FYN: variants seen among roughly 807,000 people sequenced by gnomAD.
The protein encoded by FYN is tyrosine-protein kinase Fyn.
A neutral mutation model predicts 70.2 loss-of-function variants in FYN; 10 were observed. The observed-to-expected ratio is 0.14, with a 90% CI of 0.09 to 0.24. The LOEUF is 0.24. Ranked by LOEUF, FYN falls within the 10% of genes least tolerant of loss-of-function variation. The pLI, the probability that FYN is intolerant of heterozygous loss-of-function variation, is 1.00. For missense variants in FYN, 319 were observed against 673.1 expected, an observed-to-expected ratio of 0.47 and a Z score of 5.82; for synonymous variants, 236 against 248.6, an observed-to-expected ratio of 0.95 and a Z score of 0.48.
chr6:111,737,051 G>A (rs867383032), intron 3 of FYN, among the ~76,000 whole-genome samples: 2 of 152,072 alleles, frequency 1.3e-5, no homozygotes, highest in African/African-American at 2.4e-5. Flanking sequence ...ATCCATTCTT[G>A]TCACTATTTG....
At chr6:111,670,585 C>T (rs1054603905) in intron 13 of FYN, among the ~76,000 whole-genome samples, 2 of 150,912 alleles carry the variant, frequency 1.3e-5, no homozygotes, top group Non-Finnish European at 2.9e-5. Context: ...AGTAGGTGCA[C>T]AATAAATATT....
intron 2 of FYN, among the ~76,000 whole-genome samples, chr6:111,845,447 C>T (rs1037232100): frequency 6.6e-6 from 1 of 152,184 alleles, no homozygotes; most frequent in Non-Finnish European, 1.5e-5. Flanking sequence ...GCTGAAAAGC[C>T]CGTGACTAGC....
At chr6:111,805,758 T>C (rs968321402) in intron 2 of FYN, among the ~76,000 whole-genome samples, 1 of 152,206 alleles carries the variant, frequency 6.6e-6, no homozygotes, top group South Asian at 2.1e-4. Flanking sequence ...GATCATTTAA[T>C]GAGTCATCAG....
At chr6:111,781,579 G>A (rs915689886) in intron 2 of FYN, among the ~76,000 whole-genome samples, 1 of 152,140 alleles carries the variant, frequency 6.6e-6, no homozygotes, top group East Asian at 1.9e-4. Flanking sequence ...CCAGCTTTTC[G>A]ACATTATCCT....
chr6:111,802,386 C>G (rs1047795502), intron 2 of FYN, among the ~76,000 whole-genome samples: 2 of 152,074 alleles, frequency 1.3e-5, no homozygotes, highest in African/African-American at 4.8e-5. Context: ...CTGTGGAACT[C>G]TGAGCCAATT....
Position 111,760,730 on chromosome 6 carries a change from A to C in FYN, c.-12+19836T>G, listed in dbSNP as rs142946367. 9.8e-3 allele frequency among the ~76,000 whole-genome samples: 1,492 copies of C among 152,330 alleles called. 17 individuals carry two copies. The highest frequency in any genetic ancestry group is 0.019 in the African/African-American group (797 of 41,576). On this transcript the variant is annotated intron_variant, in intron 3 of 13. Transcript: ENST00000354650. ...GAAGTGACTGGAGACATAGGCACCC[A>C]TGTTCCTCACTGTGGGGTAACTAAA...
chr6:111,814,252 TG>T (rs1485770869), intron 2 of FYN: 2 of 151,882 alleles, frequency 1.3e-5, no homozygotes, highest in Non-Finnish European at 2.9e-5. Flanking sequence ...ACCTAACATT[TG>T]GGGAAACTTT....
chr6:111,835,821 A>C (rs1773168651), intron 2 of FYN, among the ~76,000 whole-genome samples: 1 of 152,106 alleles, frequency 6.6e-6, no homozygotes, highest in Non-Finnish European at 1.5e-5. Context: ...AAAAAGGAGA[A>C]AAGTGTGTGG....
At chr6:111,779,121 A>ATTTTTTTTTTTTTTTT (rs397934539) in intron 3 of FYN, among the ~76,000 whole-genome samples, 1 of 91,494 alleles carries the variant, frequency 1.1e-5, no homozygotes, top group Admixed American at 1.4e-4. Context: ...AGTAGGAGAC[A>ATTTTTTTTTTTTTTTT]TTTTTTTTTT....
At chr6:111,809,765 T>C (rs904195376) in intron 2 of FYN, among the ~76,000 whole-genome samples, 1 of 152,124 alleles carries the variant, frequency 6.6e-6, no homozygotes, top group African/African-American at 2.4e-5. Context: ...AGAATATCGG[T>C]TTTCTACTTG....
In FYN at chr6:111,661,549, C is replaced by T. The variant is rs1797729917; in HGVS notation, c.*190G>A. 1.7e-6 allele frequency: 1 copy of T among 591,444 alleles called. No homozygotes were observed. Among genetic ancestry groups the T allele is most frequent in the Admixed American group, 3.1e-5 (1 of 32,252 alleles). 36.6% of individuals were successfully genotyped at this position (591,444 alleles called of 1,614,324 possible). A position where few individuals can be genotyped will look rare whatever the true frequency, so the allele number is the denominator to read the frequency against. The stretch of plus-strand genomic sequence containing the variant: ...TAACAAGGTTCTGTCTCGAATGCTT[C>T]ACAGAGGAGGTTCGGATTTGGGGAC... On this transcript the variant is annotated 3_prime_UTR_variant, in exon 14 of 14. Transcript: ENST00000354650. The surrounding 1 kb of genome is among the most constrained non-coding windows in gnomAD (Gnocchi z 4.0).
intron 3 of FYN, among the ~76,000 whole-genome samples, chr6:111,765,674 C>CA (rs748768667): frequency 6.6e-6 from 1 of 151,472 alleles, no homozygotes; most frequent in African/African-American, 2.4e-5. Flanking sequence ...ATGAAAAAGA[C>CA]ACAGTACTGG....
chr6:111,861,871 T>G (rs973321356), intron 1 of FYN, among the ~76,000 whole-genome samples: 1 of 152,248 alleles, frequency 6.6e-6, no homozygotes, highest in Non-Finnish European at 1.5e-5. Flanking sequence ...AGGCTATAGC[T>G]GAGCTGTAGA....
chr6:111,868,140 T>G (rs1260325656), intron 1 of FYN, among the ~76,000 whole-genome samples: 1 of 151,888 alleles, frequency 6.6e-6, no homozygotes, highest in Non-Finnish European at 1.5e-5. Flanking sequence ...CTTTTCCAGG[T>G]TCATGCTCCA....
chr6:111,714,791 T>G (rs1168542175), intron 4 of FYN, among the ~76,000 whole-genome samples: 1 of 152,224 alleles, frequency 6.6e-6, no homozygotes, highest in Non-Finnish European at 1.5e-5. Context: ...TCTGCAGCAG[T>G]TACTGACATC....
intron 3 of FYN, among the ~76,000 whole-genome samples, chr6:111,762,245 C>T (rs982091225): frequency 6.6e-6 from 1 of 152,188 alleles, no homozygotes; most frequent in African/African-American, 2.4e-5. Flanking sequence ...GGCTTTGCTT[C>T]TGCATCTGGT....
At chr6:111,871,581 A>G (rs1412011950) in intron 1 of FYN, among the ~76,000 whole-genome samples, 4 of 152,224 alleles carry the variant, frequency 2.6e-5, no homozygotes, top group African/African-American at 4.8e-5. Flanking sequence ...TTTCATTTCA[A>G]AAGACTTCAG....
chr6:111,856,754 G>T, intron 1 of FYN, among the ~76,000 whole-genome samples: 1 of 151,912 alleles, frequency 6.6e-6, no homozygotes, highest in Non-Finnish European at 1.5e-5. Context: ...GACACACAAG[G>T]TAAAAATATG....
At chr6:111,728,626 T>C (rs546381237) in intron 3 of FYN, among the ~76,000 whole-genome samples, 34 of 152,350 alleles carry the variant, frequency 2.2e-4, no homozygotes, top group African/African-American at 7.7e-4. Context: ...ATTGGCTTCC[T>C]TTGCTTGGTA....
Sources: gnomAD v4.1 joint callset for allele counts (sites outside exome capture counted in the v4.1 genomes callset) on GRCh38, gnomAD v4.1.1 for gene constraint, Gnocchi (gnomAD v3.1) non-coding constraint, MANE v1.5 for transcripts, NCBI Gene and HGNC (gene_info 2026-07-23, HGNC 2026-07-21) for gene names.